Variants in DNAH10 observed in about 807,000 individuals in gnomAD.
The protein encoded by DNAH10 is dynein axonemal heavy chain 10, also known as axonemal beta dynein heavy chain 10.
DNAH10 carries 348 observed loss-of-function variants against 506.6 expected under a neutral mutation model. The ratio of observed to expected loss-of-function variants is 0.69; its 90% CI spans 0.63 to 0.75. The LOEUF (loss-of-function observed/expected upper bound fraction) is 0.75. DNAH10 is among the 30% of genes least tolerant of loss of function. The probability of loss-of-function intolerance (pLI) is 0.00; values close to 1 mark genes in which losing one functional copy is unlikely to be tolerated. For synonymous variants in DNAH10, 2,059 were observed against 2,198.6 expected, an observed-to-expected ratio of 0.94 and a Z score of 1.78; for missense variants, 5,179 against 5,787.1, an observed-to-expected ratio of 0.89 and a Z score of 3.41.
chr12:123,904,958 C>A (rs1241449297), intron 57 of DNAH10, among the ~76,000 whole-genome samples: 1 of 152,204 alleles, frequency 6.6e-6, no homozygotes, highest in Non-Finnish European at 1.5e-5. Flanking sequence ...TATATCATTT[C>A]TCATATACAC....
chr12:123,856,968 A>G (rs935368719), intron 36 of DNAH10, 88 bp from the exon 37 acceptor site: 1 of 881,536 alleles, frequency 1.1e-6, no homozygotes. Flanking sequence ...TATATTTCAT[A>G]AGAGTGTTAC....
chr12:123,777,212 C>A (rs1379121496), intron 5 of DNAH10, among the ~76,000 whole-genome samples: 2 of 152,174 alleles, frequency 1.3e-5, no homozygotes, highest in African/African-American at 4.8e-5. Context: ...TGGGCATCAT[C>A]AGCACAGAGA....
In DNAH10 at chr12:123,926,815, GA is replaced by G; in HGVS notation, c.12104del (p.Lys4035ArgfsTer17). The G allele has an allele frequency of 6.2e-7, 1 of 1,613,804 alleles. No homozygotes were observed. The highest frequency in any genetic ancestry group is 8.5e-7 in the Non-Finnish European group (1 of 1,179,854). ...ATTCCTTGCAATGGGTCAAGGTCAA[GA>G]AAAGGTAATTTGTGGCTGAAAGGAA... ...LKFLAMGQGQ[E>X]KVALQLLETA... On this transcript the variant is annotated frameshift_variant, in exon 69 of 79. Coordinates refer to ENST00000673944, the MANE Select transcript of DNAH10 (RefSeq NM_001372106.1). LOFTEE classifies it high-confidence loss of function. The surrounding 1 kb of genome is among the most constrained non-coding windows in gnomAD (Gnocchi z 4.1).
intron 2 of DNAH10, among the ~76,000 whole-genome samples, chr12:123,770,487 A>ATT (rs56670119): frequency 7.5e-5 from 10 of 133,170 alleles, no homozygotes; most frequent in Admixed American, 1.5e-4. Context: ...CGTAAGTGTG[A>ATT]TTTTTTTTTT....
At chr12:123,802,284 G>C (rs1958505789) in intron 16 of DNAH10, among the ~76,000 whole-genome samples, 1 of 152,186 alleles carries the variant, frequency 6.6e-6, no homozygotes, top group African/African-American at 2.4e-5. Context: ...TTGCACGGTA[G>C]TTGCATGTTT....
intron 36 of DNAH10, among the ~76,000 whole-genome samples, chr12:123,856,524 A>T (rs985312158): frequency 4.7e-5 from 7 of 150,462 alleles, no homozygotes; most frequent in Non-Finnish European, 1.0e-4. Flanking sequence ...TTTAGTAGAG[A>T]TGTGATTTCA....
chr12:123,857,080 C>G lies in DNAH10; in HGVS notation c.6463C>G (p.Arg2155Gly), dbSNP rs762874547. ...GGACGTGGTGCTGATGAGGGCCTTG[C>G]GAGACATGAACTTGCCCAAATTTGT... is the stretch of plus-strand genomic sequence containing the variant. ...REDVVLMRAL[R>G]DMNLPKFVFE... The change falls in exon 37 of 79, where the codon CGA (arginine) becomes GGA (glycine). Residue 2155 changes from arginine to glycine, a missense_variant. Around this residue, in one of 3 missense-constraint regions of DNAH10, gnomAD observed 4,844 missense variants for 5,430.5 expected, o/e 0.89. Coordinates refer to ENST00000673944, the MANE Select transcript of DNAH10 (RefSeq NM_001372106.1). 6.2e-7 allele frequency: 1 copy of G among 1,612,320 alleles called. No individual in the cohort carries two copies. The highest frequency in any genetic ancestry group is 2.2e-5 in the East Asian group (1 of 44,792).
chr12:123,901,874 T>C (rs1303329298), intron 56 of DNAH10, among the ~76,000 whole-genome samples: 1 of 152,162 alleles, frequency 6.6e-6, no homozygotes, highest in African/African-American at 2.4e-5. Context: ...TTGGCCAGGC[T>C]GATCCCGAAC....
At chr12:123,866,363 C>T (rs563037546) in intron 41 of DNAH10, among the ~76,000 whole-genome samples, 81 of 150,596 alleles carry the variant, frequency 5.4e-4, no homozygotes, top group African/African-American at 1.9e-3. Flanking sequence ...CCTGCCTCAG[C>T]CTCCCGAGTA....
At chr12:123,931,906 T>TA (rs773353142) in intron 75 of DNAH10, 35 bp from the exon 76 acceptor site, 12 of 1,613,050 alleles carry the variant, frequency 7.4e-6, no homozygotes, top group Admixed American at 5.0e-5. Context: ...GGGGTTCTGA[T>TA]AGAGTCCTGC....
chr12:123,835,739 C>T (rs1961068898), intron 28 of DNAH10, among the ~76,000 whole-genome samples: 1 of 152,168 alleles, frequency 6.6e-6, no homozygotes. Flanking sequence ...ATCCTCCTAA[C>T]TCAGCCTCCC....
rs368332650 is a variant in DNAH10 at position 123,829,638 on chromosome 12, G to A, written c.4392-908G>A. On this transcript the variant is annotated intron_variant, in intron 25 of 78. Transcript: ENST00000673944. ...AGTTCTGACACCCTCCTTCCTGTCCGTGCTGTGCTAGGCCAGGGGGTTCAG... is the reference window on the plus strand; with the variant it reads ...AGTTCTGACACCCTCCTTCCTGTCCATGCTGTGCTAGGCCAGGGGGTTCAG... Among the ~76,000 whole-genome samples, 161 of 152,266 alleles carry A rather than the reference G, an allele frequency of 1.1e-3. 1 individual carries two copies. The highest frequency in any genetic ancestry group is 3.0e-3 in the African/African-American group (123 of 41,538).
rs1000183059 is a variant in DNAH10, at chr12:123,850,492, T to C, written c.6103-396T>C. 6.6e-6 allele frequency among the ~76,000 whole-genome samples: 1 copy of C among 152,140 alleles called. No individual in the cohort carries two copies. Among genetic ancestry groups the C allele is most frequent in the African/African-American group, 2.4e-5 (1 of 41,446 alleles). ...CTGGGCGCTCCCAACCTGGGCTGTC[T>C]CCTTTCATCGCCACAGCCGTGCCAC... On this transcript the variant is annotated intron_variant, in intron 34 of 78. Transcript: ENST00000673944. This position sits in a 1 kb window ranked among gnomAD's most constrained non-coding sequence, Gnocchi z 5.5.
intron 29 of DNAH10, among the ~76,000 whole-genome samples, chr12:123,840,739 C>T (rs897317239): frequency 1.6e-4 from 25 of 152,052 alleles, no homozygotes; most frequent in African/African-American, 5.8e-4. Context: ...ATGGTGGGCC[C>T]TAAAGGACTC....
chr12:123,926,471 G>C lies in DNAH10; in HGVS notation c.11922-166G>C, dbSNP rs571334977. On this transcript the variant is annotated intron_variant, in intron 68 of 78. Transcript: ENST00000673944. The surrounding 1 kb of genome is among the most constrained non-coding windows in gnomAD (Gnocchi z 4.1). ...GGAGTTCCCCATCAGGGTGGGAGAC[G>C]TGCATAGAAACTAGAATCTAAAACA... 4.4e-6 allele frequency: 3 copies of C among 679,154 alleles called. No individual in the cohort carries two copies. The highest frequency in any genetic ancestry group is 7.1e-6 in the Non-Finnish European group (3 of 423,608). The allele number at this position is 679,154 out of a possible 1,614,324, so 42.1% of individuals were successfully genotyped here.
intron 77 of DNAH10, 139 bp from the exon 78 acceptor site, chr12:123,934,482 A>G: frequency 9.6e-7 from 1 of 1,037,658 alleles, no homozygotes; most frequent in Non-Finnish European, 1.5e-6. Flanking sequence ...ATGCTGGAGA[A>G]GGGCCTGGGC....
At chr12:123,812,813 G>A (rs1030357506) in intron 19 of DNAH10, among the ~76,000 whole-genome samples, 12 of 152,118 alleles carry the variant, frequency 7.9e-5, no homozygotes, top group Non-Finnish European at 5.9e-5. Flanking sequence ...TCTTGTGTAT[G>A]GCCTTTCGTG....
chr12:123,841,568 G>T, intron 30 of DNAH10, 23 bp downstream of exon 30: 1 of 1,599,942 alleles, frequency 6.3e-7, no homozygotes. Context: ...ATGTGGACAT[G>T]CATTGCTCTA....
In DNAH10 at chr12:123,916,014, A is replaced by G. The variant is rs1055539802; in HGVS notation, c.10723-443A>G. Reference sequence around the variant, plus strand: ...CAGGTATTTGCCTGCTGTTAGAGGAAGCCCATTTGTACTCCAAGGTCAGGG... The same window carrying G: ...CAGGTATTTGCCTGCTGTTAGAGGAGGCCCATTTGTACTCCAAGGTCAGGG... On this transcript the variant is annotated intron_variant, in intron 62 of 78. Transcript: ENST00000673944. The surrounding 1 kb of genome is among the most constrained non-coding windows in gnomAD (Gnocchi z 4.6). 6.6e-6 allele frequency among the ~76,000 whole-genome samples: 1 copy of G among 152,194 alleles called. No individual in the cohort carries two copies. Among genetic ancestry groups the G allele is most frequent in the Non-Finnish European group, 1.5e-5 (1 of 68,030 alleles).
Sources: allele counts gnomAD v4.1 joint callset (sites outside exome capture counted in the v4.1 genomes callset), GRCh38; gene constraint gnomAD v4.1.1; regional missense constraint gnomAD v4.1.1; non-coding constraint Gnocchi (gnomAD v3.1); transcripts MANE v1.5; gene names NCBI Gene and HGNC (gene_info 2026-07-23, HGNC 2026-07-21).